Variants in FRMD6 observed in about 807,000 individuals in gnomAD.
FRMD6 encodes FERM domain-containing protein 6.
FRMD6 carries 37 observed loss-of-function variants against 73.2 expected under a neutral mutation model. The observed-to-expected ratio is 0.51, with a 90% CI of 0.39 to 0.66. FRMD6 has a LOEUF of 0.66. Ranked by LOEUF, FRMD6 falls within the 30% of genes least tolerant of loss-of-function variation. The probability of loss-of-function intolerance (pLI) is 0.00; values close to 1 mark genes in which losing one functional copy is unlikely to be tolerated. For missense variants in FRMD6, 714 were observed against 780.5 expected (o/e 0.91, Z 1.02); for synonymous variants, 273 against 282.2 (o/e 0.97, Z 0.33).
At chr14:51,724,662 A>G (rs1897844414) in intron 12 of FRMD6, among the ~76,000 whole-genome samples, 1 of 152,192 alleles carries the variant, frequency 6.6e-6, no homozygotes, top group South Asian at 2.1e-4. Flanking sequence ...GTTAAGGGAT[A>G]GAACACAAGT....
At chr14:51,477,557 A>G in the FRMD6 span, among the ~76,000 whole-genome samples, 1 of 152,202 alleles carries the variant, frequency 6.6e-6, no homozygotes, top group Non-Finnish European at 1.5e-5. Context: ...TGCCTTGAAT[A>G]TGATTATAAA....
upstream of FRMD6, among the ~76,000 whole-genome samples, chr14:51,488,835 G>A (rs1375406296): frequency 6.6e-6 from 1 of 152,210 alleles, no homozygotes; most frequent in Non-Finnish European, 1.5e-5. Flanking sequence ...CCATGAATGA[G>A]GTGGATGCCC....
chr14:51,645,201 G>T (rs1892010223), intron 2 of FRMD6, among the ~76,000 whole-genome samples: 1 of 152,190 alleles, frequency 6.6e-6, no homozygotes, highest in Non-Finnish European at 1.5e-5. Context: ...AATGAATGCA[G>T]ATTTTGTTTC....
intron 1 of FRMD6, among the ~76,000 whole-genome samples, chr14:51,533,689 A>T (rs1383711776): frequency 1.3e-5 from 2 of 152,228 alleles, no homozygotes; most frequent in African/African-American, 2.4e-5. Context: ...AATGTAAAAA[A>T]GAAATACCCT....
the FRMD6 span, among the ~76,000 whole-genome samples, chr14:51,480,113 G>A: frequency 1.3e-5 from 2 of 152,192 alleles, no homozygotes; most frequent in Non-Finnish European, 2.9e-5. Context: ...CAACATCCCA[G>A]TTGAGCTATA....
At chr14:51,621,300 A>G (rs1259665140) in intron 2 of FRMD6, among the ~76,000 whole-genome samples, 1 of 152,118 alleles carries the variant, frequency 6.6e-6, no homozygotes, top group Non-Finnish European at 1.5e-5. Context: ...TGACATCCTC[A>G]CTGGTCCAGC....
At chr14:51,586,150 A>G (rs1889038681) in intron 2 of FRMD6, among the ~76,000 whole-genome samples, 1 of 151,394 alleles carries the variant, frequency 6.6e-6, no homozygotes, top group Non-Finnish European at 1.5e-5. Flanking sequence ...GTTTTTGAGA[A>G]ATCTCCATAC....
At chr14:51,495,514 A>G (rs1883243525) in intron 1 of FRMD6, among the ~76,000 whole-genome samples, 1 of 152,252 alleles carries the variant, frequency 6.6e-6, no homozygotes, top group Non-Finnish European at 1.5e-5. Context: ...TGATTTCCTC[A>G]GAAACCAGCA....
chr14:51,475,156 T>C, the FRMD6 span, among the ~76,000 whole-genome samples: 2 of 152,242 alleles, frequency 1.3e-5, no homozygotes, highest in Non-Finnish European at 2.9e-5. Context: ...TTGTATTCTC[T>C]GGTCCCCCTT....
intron 6 of FRMD6, among the ~76,000 whole-genome samples, chr14:51,705,753 G>T (rs990639881): frequency 6.6e-6 from 1 of 151,970 alleles, no homozygotes; most frequent in Non-Finnish European, 1.5e-5. Flanking sequence ...TCCACTCATG[G>T]TGCTGCCTGT....
chr14:51,493,170 C>G (rs986271177), intron 1 of FRMD6, among the ~76,000 whole-genome samples: 4 of 152,306 alleles, frequency 2.6e-5, no homozygotes, highest in African/African-American at 9.6e-5. Flanking sequence ...AAAATTTAAT[C>G]TCCCAGATCC....
chr14:51,593,673 T>C lies in FRMD6; in HGVS notation c.-147+23263T>C, dbSNP rs150597933. ...TTTCTAATGACGAATCCAGCTGTTT[T>C]GATTCTGTCTTCTCTGCTGGAGTTC... On this transcript the variant is annotated intron_variant, in intron 2 of 14. Coordinates refer to the FRMD6 transcript ENST00000356218. Among the ~76,000 whole-genome samples the C allele has an allele frequency of 3.2e-3, 493 of 152,338 alleles. 3 individuals are homozygous for C. The highest frequency in any genetic ancestry group is 0.011 in the African/African-American group (468 of 41,578).
chr14:51,456,486 C>CT, the FRMD6 span, among the ~76,000 whole-genome samples: 11 of 152,156 alleles, frequency 7.2e-5, no homozygotes, highest in African/African-American at 2.7e-4. Context: ...TGAACTCATC[C>CT]TTTTTTTACA....
the FRMD6 span, among the ~76,000 whole-genome samples, chr14:51,447,303 A>G: frequency 7.2e-5 from 11 of 152,204 alleles, no homozygotes; most frequent in African/African-American, 2.6e-4. Flanking sequence ...CTTGGAAAAC[A>G]CATTGATTGA....
chr14:51,627,296 A>G (rs1036280160), intron 2 of FRMD6, among the ~76,000 whole-genome samples: 9 of 152,226 alleles, frequency 5.9e-5, no homozygotes, highest in African/African-American at 1.9e-4. Context: ...ATAAATTGCA[A>G]ATTGATAATC....
the FRMD6 span, among the ~76,000 whole-genome samples, chr14:51,457,208 CA>C: frequency 6.6e-6 from 1 of 152,186 alleles, no homozygotes; most frequent in South Asian, 2.1e-4. Context: ...GATTATTACA[CA>C]ATGTAAACAT....
chr14:51,582,644 T>C (rs1209403270), intron 2 of FRMD6, among the ~76,000 whole-genome samples: 8 of 152,188 alleles, frequency 5.3e-5, no homozygotes, highest in African/African-American at 1.9e-4. Context: ...AGAAACATAA[T>C]GGTCATCTCA....
At chr14:51,444,994 C>T in the FRMD6 span, among the ~76,000 whole-genome samples, 1 of 152,208 alleles carries the variant, frequency 6.6e-6, no homozygotes, top group African/African-American at 2.4e-5. Flanking sequence ...TGAAATGCCT[C>T]AGGAGCCTGG....
chr14:51,429,197 C>A, the FRMD6 span, among the ~76,000 whole-genome samples: 1 of 152,162 alleles, frequency 6.6e-6, no homozygotes, highest in Non-Finnish European at 1.5e-5. Flanking sequence ...TAAATGCCAC[C>A]GACTAATCCC....
Sources: gnomAD v4.1 joint callset for allele counts (sites outside exome capture counted in the v4.1 genomes callset) on GRCh38, gnomAD v4.1.1 for gene constraint, MANE v1.5 for transcripts, NCBI Gene and HGNC (gene_info 2026-07-23, HGNC 2026-07-21) for gene names.